EPHB2: variants seen among roughly 807,000 people sequenced by gnomAD.
The protein encoded by EPHB2 is ephrin type-B receptor 2.
EPHB2 carries 18 observed loss-of-function variants against 96.4 expected under a neutral mutation model. The observed-to-expected ratio is 0.19, with a 90% confidence interval of 0.13 to 0.28. The LOEUF (loss-of-function observed/expected upper bound fraction) is 0.28. EPHB2 is among the 10% of genes least tolerant of loss of function. EPHB2 has a pLI of 1.00. For missense variants in EPHB2, 989 were observed against 1,355.4 expected, an observed-to-expected ratio of 0.73 and a Z score of 4.25; for synonymous variants, 506 against 534.1, an observed-to-expected ratio of 0.95 and a Z score of 0.72.
chr1:22,891,940 A>G (rs141255775), intron 6 of EPHB2, among the ~76,000 whole-genome samples: 28 of 151,652 alleles, frequency 1.8e-4, no homozygotes, highest in African/African-American at 6.3e-4. Flanking sequence ...GACCACAAGC[A>G]TGTATCTCCA....
intron 3 of EPHB2, among the ~76,000 whole-genome samples, chr1:22,802,723 G>GGGATATGGC (rs1644863211): frequency 6.6e-6 from 1 of 152,116 alleles, no homozygotes; most frequent in South Asian, 2.1e-4. Flanking sequence ...TCCCCACAGA[G>GGGATATGGC]GGATATGGCA....
intron 1 of EPHB2, among the ~76,000 whole-genome samples, chr1:22,752,257 G>T (rs932052211): frequency 7.9e-5 from 12 of 152,206 alleles, no homozygotes; most frequent in African/African-American, 2.9e-4. Flanking sequence ...CAGCACTTTG[G>T]GGGGCCAAGG....
intron 7 of EPHB2, among the ~76,000 whole-genome samples, chr1:22,894,786 C>A (rs1044518536): frequency 3.5e-4 from 53 of 152,004 alleles, no homozygotes; most frequent in African/African-American, 1.2e-3. Context: ...TTCTTTGTGA[C>A]CTCAGGCACA....
intron 3 of EPHB2, among the ~76,000 whole-genome samples, chr1:22,827,331 C>G (rs1026126500): frequency 6.6e-6 from 1 of 152,220 alleles, no homozygotes; most frequent in Non-Finnish European, 1.5e-5. Context: ...CTGGATTGCT[C>G]CCATCTGTGT....
chr1:22,794,691 A>G (rs1570288475), intron 3 of EPHB2, among the ~76,000 whole-genome samples: 1 of 152,134 alleles, frequency 6.6e-6, no homozygotes. Context: ...TTGAGGGGAA[A>G]AGTCCAAGAT....
At chr1:22,767,367 C>T (rs576692724) in intron 1 of EPHB2, among the ~76,000 whole-genome samples, 1 of 152,322 alleles carries the variant, frequency 6.6e-6, no homozygotes, top group South Asian at 2.1e-4. Flanking sequence ...TCCTTGGGAT[C>T]ATGAAAGGAG....
intron 1 of EPHB2, among the ~76,000 whole-genome samples, chr1:22,735,981 C>T (rs1362100435): frequency 6.6e-6 from 1 of 152,144 alleles, no homozygotes; most frequent in African/African-American, 2.4e-5. Context: ...TCCTGGCTTA[C>T]ACCTACACGC....
At chr1:22,827,526 C>T (rs905257951) in intron 3 of EPHB2, among the ~76,000 whole-genome samples, 2 of 152,354 alleles carry the variant, frequency 1.3e-5, no homozygotes, top group Non-Finnish European at 2.9e-5. Context: ...TGACTGCTAA[C>T]CAGCCAGTGA....
At chr1:22,848,112 C>T (rs1294658142) in intron 3 of EPHB2, among the ~76,000 whole-genome samples, 1 of 152,166 alleles carries the variant, frequency 6.6e-6, no homozygotes, top group Non-Finnish European at 1.5e-5. Context: ...ATCCTCAAAT[C>T]AAGGGCAGGC....
intron 3 of EPHB2, among the ~76,000 whole-genome samples, chr1:22,839,699 G>A (rs1645437981): frequency 6.6e-6 from 1 of 152,200 alleles, no homozygotes; most frequent in South Asian, 2.1e-4. Context: ...TGCCTCAGGT[G>A]TCTGAGGATG....
chr1:22,891,091 A>T (rs922086486), intron 6 of EPHB2: 3 of 455,826 alleles, frequency 6.6e-6, no homozygotes, highest in Non-Finnish European at 1.3e-5. Flanking sequence ...ATCTGAACAA[A>T]CTCTGAGGTA....
chr1:22,803,770 G>A (rs1268869839), intron 3 of EPHB2, among the ~76,000 whole-genome samples: 1 of 148,966 alleles, frequency 6.7e-6, no homozygotes, highest in African/African-American at 2.5e-5. Flanking sequence ...TAAATTAGCT[G>A]GGGTGTGACG....
chr1:22,877,875 G>T (rs1167918671), intron 5 of EPHB2, among the ~76,000 whole-genome samples: 1 of 152,192 alleles, frequency 6.6e-6, no homozygotes, highest in African/African-American at 2.4e-5. Flanking sequence ...ACATTCTCAG[G>T]CCCCACTCCA....
chr1:22,842,228 G>A (rs904531488), intron 3 of EPHB2, among the ~76,000 whole-genome samples: 2 of 152,112 alleles, frequency 1.3e-5, no homozygotes, highest in Non-Finnish European at 2.9e-5. Flanking sequence ...ACTAGCTCTC[G>A]ATGGGCAGCC....
At chr1:22,878,952 C>A (rs1638936574) in intron 5 of EPHB2, among the ~76,000 whole-genome samples, 1 of 152,206 alleles carries the variant, frequency 6.6e-6, no homozygotes, top group South Asian at 2.1e-4. Flanking sequence ...TAACACATAT[C>A]AACGTGCTGT....
intron 5 of EPHB2, among the ~76,000 whole-genome samples, chr1:22,880,497 C>T (rs2148548001): frequency 1.3e-5 from 2 of 152,338 alleles, no homozygotes; most frequent in East Asian, 3.9e-4. Context: ...GAGTCCTCAG[C>T]CCCTCCTGGG....
At chr1:22,764,463 C>G (rs1644278593) in intron 1 of EPHB2, among the ~76,000 whole-genome samples, 1 of 152,120 alleles carries the variant, frequency 6.6e-6, no homozygotes, top group East Asian at 1.9e-4. Flanking sequence ...GTAAATGACT[C>G]TGCCGGGCTT....
intron 3 of EPHB2, among the ~76,000 whole-genome samples, chr1:22,861,507 A>G (rs1386382913): frequency 2.0e-5 from 3 of 152,186 alleles, no homozygotes; most frequent in African/African-American, 7.2e-5. Flanking sequence ...TAACAACAAC[A>G]AAAGAAGTAT....
At chr1:22,724,789 G>A (rs975947641) in intron 1 of EPHB2, among the ~76,000 whole-genome samples, 8 of 152,112 alleles carry the variant, frequency 5.3e-5, no homozygotes, top group African/African-American at 1.7e-4. Flanking sequence ...TATAGAGTCC[G>A]GTGGACTTGG....
Sources: gnomAD v4.1 joint callset for allele counts (sites outside exome capture counted in the v4.1 genomes callset) on GRCh38, gnomAD v4.1.1 for gene constraint, MANE v1.5 for transcripts, NCBI Gene and HGNC (gene_info 2026-07-23, HGNC 2026-07-21) for gene names.